Variants in SPRED1 observed in about 807,000 individuals in gnomAD.
SPRED1 encodes sprouty related EVH1 domain containing 1.
SPRED1 carries 18 observed loss-of-function variants against 52.3 expected under a neutral mutation model. The ratio of observed to expected loss-of-function variants is 0.34; its 90% CI spans 0.24 to 0.51. The LOEUF (loss-of-function observed/expected upper bound fraction) is 0.51, where lower values mean the gene tolerates loss of function less well. Ranked by LOEUF, SPRED1 falls within the 20% of genes least tolerant of loss-of-function variation. The pLI is 0.97. For synonymous variants in SPRED1, 155 were observed against 179.7 expected (o/e 0.86, Z 1.10); for missense variants, 485 against 551.0 (o/e 0.88, Z 1.20).
At chr15:38,294,444 T>C (rs1424141663) in intron 1 of SPRED1, among the ~76,000 whole-genome samples, 1 of 152,156 alleles carries the variant, frequency 6.6e-6, no homozygotes, top group Admixed American at 6.5e-5. Flanking sequence ...TTCGAGAACG[T>C]GTTTCCTCCT....
At chr15:38,306,898 A>G (rs1317029020) in intron 2 of SPRED1, among the ~76,000 whole-genome samples, 1 of 152,182 alleles carries the variant, frequency 6.6e-6, no homozygotes, top group Non-Finnish European at 1.5e-5. Context: ...ATTTTAAACT[A>G]ACATCATTCC....
intron 5 of SPRED1, among the ~76,000 whole-genome samples, chr15:38,345,603 C>T (rs146209994): frequency 9.9e-5 from 15 of 152,260 alleles, no homozygotes; most frequent in Non-Finnish European, 1.8e-4. Context: ...GTAGCATGAG[C>T]TTCATGTTTG....
intron 2 of SPRED1, among the ~76,000 whole-genome samples, chr15:38,301,353 C>A (rs1895146053): frequency 6.6e-6 from 1 of 152,080 alleles, no homozygotes; most frequent in Non-Finnish European, 1.5e-5. Flanking sequence ...TATTGATAGA[C>A]TAATAAGAAA....
At chr15:38,261,029 C>G (rs1434287265) in intron 1 of SPRED1, among the ~76,000 whole-genome samples, 1 of 152,090 alleles carries the variant, frequency 6.6e-6, no homozygotes, top group African/African-American at 2.4e-5. Flanking sequence ...AAAACAAAGC[C>G]TCACAGTCAA....
At position 38,335,684 on chromosome 15, in the gene SPRED1, G is replaced by A. The variant is rs78698752; in HGVS notation, c.424-4053G>A. On this transcript the variant is annotated intron_variant, in intron 4 of 6. Coordinates refer to ENST00000299084, the MANE Select transcript of SPRED1 (RefSeq NM_152594.3). ...TTATCAGGCACAATGGCCTATACCC[G>A]TCTGTAGTATCAGCTACTATTTTGA... Among the ~76,000 whole-genome samples, 879 of 151,928 alleles carry A rather than the reference G, an allele frequency of 5.8e-3. 3 individuals carry two copies. The highest frequency in any genetic ancestry group is 8.9e-3 in the Non-Finnish European group (607 of 67,902).
intron 4 of SPRED1, among the ~76,000 whole-genome samples, chr15:38,333,731 C>G (rs1266967357): frequency 1.3e-5 from 2 of 151,954 alleles, no homozygotes; most frequent in Non-Finnish European, 2.9e-5. Flanking sequence ...ATCCTGTGAC[C>G]CAGTATTTCT....
Position 38,302,742 on chromosome 15 carries a change from T to A in SPRED1, c.207+3195T>A, listed in dbSNP as rs1228871639. Among the ~76,000 whole-genome samples the A allele has an allele frequency of 2.0e-5, 3 of 152,256 alleles. No individual in the cohort carries two copies. The East Asian group carries it at 5.8e-4, about 29-fold the overall frequency. ...CTCTGCATAATTGGCTTTCATGCTT[T>A]ATGGATGATTGAGAAAGAAAGAATT... On this transcript the variant is annotated intron_variant, in intron 2 of 6. Coordinates refer to ENST00000299084, the MANE Select transcript of SPRED1 (RefSeq NM_152594.3).
chr15:38,316,445 A>T (rs1396020982), intron 2 of SPRED1, among the ~76,000 whole-genome samples: 2 of 152,188 alleles, frequency 1.3e-5, no homozygotes, highest in East Asian at 1.9e-4. Context: ...TTCCAAAAAT[A>T]TTTACCTTGC....
intron 6 of SPRED1, among the ~76,000 whole-genome samples, chr15:38,350,088 T>C (rs186996930): frequency 1.3e-5 from 2 of 152,332 alleles, no homozygotes; most frequent in Admixed American, 6.5e-5. Context: ...GCTACACACA[T>C]GTGTGTCTTT....
At chr15:38,323,599 T>C (rs563366948) in intron 3 of SPRED1, among the ~76,000 whole-genome samples, 1 of 140,378 alleles carries the variant, frequency 7.1e-6, no homozygotes, top group South Asian at 2.4e-4. Context: ...AATTGTAATT[T>C]GAATTTGAAG....
chr15:38,284,675 T>C (rs978984537), intron 1 of SPRED1, among the ~76,000 whole-genome samples: 4 of 152,072 alleles, frequency 2.6e-5, no homozygotes, highest in Admixed American at 2.6e-4. Flanking sequence ...GATTCAAGTT[T>C]TAATTTTTTT....
chr15:38,299,629 T>G, intron 2 of SPRED1, 82 bp downstream of exon 2: 1 of 1,346,092 alleles, frequency 7.4e-7, no homozygotes, highest in South Asian at 1.2e-5. Flanking sequence ...TGTTGTGAGT[T>G]TTTTTCACCT....
At chr15:38,325,941 A>G (rs1796165718) in intron 4 of SPRED1, 1 of 152,222 alleles carries the variant, frequency 6.6e-6, no homozygotes, top group Non-Finnish European at 1.5e-5. Context: ...ATTTTTGACT[A>G]ATGCAGATTC....
chr15:38,354,644 C>G lies in SPRED1; in HGVS notation c.*2980C>G, dbSNP rs931077298. 6.6e-6 allele frequency: 1 copy of G among 152,172 alleles called. No homozygotes were observed. The highest frequency in any genetic ancestry group is 2.4e-5 in the African/African-American group (1 of 41,438). 9.4% of individuals were successfully genotyped at this position (152,172 alleles called of 1,614,324 possible). A position where few individuals can be genotyped will look rare whatever the true frequency, so the allele number is the denominator to read the frequency against. ...CAGGGAAACCAGGAATAAGAACTGT[C>G]TCAAAGGAATTGTAAAATGGTTATT... On this transcript the variant is annotated 3_prime_UTR_variant, in exon 7 of 7. Coordinates refer to ENST00000299084, the MANE Select transcript of SPRED1 (RefSeq NM_152594.3).
At chr15:38,267,201 A>G (rs1001433213) in intron 1 of SPRED1, among the ~76,000 whole-genome samples, 2 of 151,282 alleles carry the variant, frequency 1.3e-5, no homozygotes, top group African/African-American at 4.9e-5. Flanking sequence ...TACTTAATAT[A>G]AAGACTTAGG....
In SPRED1 at chr15:38,354,031, A is replaced by G. The variant is rs999171504; in HGVS notation, c.*2367A>G. ...TTTACAATTTTAAACAAGTTTCTTC[A>G]TTAAAAACTATGGTGATGAAATGGT... On this transcript the variant is annotated 3_prime_UTR_variant, in exon 7 of 7. Coordinates refer to ENST00000299084, the MANE Select transcript of SPRED1 (RefSeq NM_152594.3). The G allele has an allele frequency of 1.3e-5, 2 of 152,626 alleles. No individual in the cohort carries two copies. The highest frequency in any genetic ancestry group is 4.1e-4 in the South Asian group (2 of 4,834). 9.5% of individuals were successfully genotyped at this position (152,626 alleles called of 1,614,324 possible). A position where few individuals can be genotyped will look rare whatever the true frequency, so the allele number is the denominator to read the frequency against.
At chr15:38,293,350 G>T (rs766342694) in intron 1 of SPRED1, among the ~76,000 whole-genome samples, 1 of 151,756 alleles carries the variant, frequency 6.6e-6, no homozygotes, top group Non-Finnish European at 1.5e-5. Flanking sequence ...CACCTGCCTC[G>T]GCCTCCCAAA....
At chr15:38,333,955 C>A (rs1895857435) in intron 4 of SPRED1, among the ~76,000 whole-genome samples, 1 of 152,022 alleles carries the variant, frequency 6.6e-6, no homozygotes, top group Non-Finnish European at 1.5e-5. Flanking sequence ...GAATTTTAGT[C>A]TCTTCATACG....
intron 4 of SPRED1, among the ~76,000 whole-genome samples, chr15:38,339,221 G>C (rs1271192427): frequency 6.6e-6 from 1 of 151,992 alleles, no homozygotes; most frequent in East Asian, 1.9e-4. Flanking sequence ...AAGAGTACAT[G>C]ATTTAAATTC....
Sources: gnomAD v4.1 joint callset for allele counts (sites outside exome capture counted in the v4.1 genomes callset) on GRCh38, gnomAD v4.1.1 for gene constraint, MANE v1.5 for transcripts, NCBI Gene and HGNC (gene_info 2026-07-23, HGNC 2026-07-21) for gene names.